ABHD6: variants seen among roughly 807,000 people sequenced by gnomAD.
The protein encoded by ABHD6 is abhydrolase domain containing 6, acylglycerol lipase.
A neutral mutation model predicts 38.8 loss-of-function variants in ABHD6; 33 were observed. The observed-to-expected ratio is 0.85, with a 90% confidence interval of 0.64 to 1.14. The LOEUF is 1.14. Ranked by LOEUF, ABHD6 falls within the 50% of genes most tolerant of loss-of-function variation. The pLI is 0.00. For missense variants in ABHD6, 380 were observed against 422.6 expected, an observed-to-expected ratio of 0.90 and a Z score of 0.88; for synonymous variants, 147 against 161.6, an observed-to-expected ratio of 0.91 and a Z score of 0.69.
At chr3:58,247,107 C>G (rs2097426967) in intron 1 of ABHD6, among the ~76,000 whole-genome samples, 1 of 151,502 alleles carries the variant, frequency 6.6e-6, no homozygotes, top group Non-Finnish European at 1.5e-5. Flanking sequence ...ACTGCAACCT[C>G]CGCCTCCTGG....
rs2097420537 is a variant in ABHD6, at chr3:58,238,369, C to T, written c.-91+453C>T. ...TGCTCCGTGTCACGCGCCGCCTCCG[C>T]GCCGTCCCCAAGATCTCGCTCCGCT... On this transcript the variant is annotated intron_variant, in intron 1 of 9. Coordinates refer to ENST00000478253, the MANE Select transcript of ABHD6 (RefSeq NM_001320126.2). The surrounding 1 kb of genome is among the most constrained non-coding windows in gnomAD (Gnocchi z 6.9). 1 of 152,650 alleles carries T rather than the reference C, an allele frequency of 6.6e-6. No individual in the cohort carries two copies. The highest frequency in any genetic ancestry group is 2.1e-4 in the South Asian group (1 of 4,844). The allele number at this position is 152,650 out of a possible 1,614,324, so 9.5% of individuals were successfully genotyped here.
At position 58,264,436 on chromosome 3, in the gene ABHD6, CACACACACAT is replaced by C. The variant is rs1188083181; in HGVS notation, c.120-2751_120-2742del. ...ACACACACACACACACACACACACA[CACACACACAT>C]ATGCCAGGTGCAGTGGCTCAGTGGC... On this transcript the variant is annotated intron_variant, in intron 3 of 9. Coordinates refer to ENST00000478253, the MANE Select transcript of ABHD6 (RefSeq NM_001320126.2). Among the ~76,000 whole-genome samples the C allele has an allele frequency of 3.8e-4, 38 of 99,368 alleles. 1 individual carries two copies. The highest frequency in any genetic ancestry group is 9.7e-3 in the Middle Eastern group (2 of 206). The allele number at this position is 99,368 out of a possible 152,430, so 65.2% of individuals were successfully genotyped here.
At position 58,266,558 on chromosome 3, in the gene ABHD6, C is replaced by CA. The variant is rs1447607271; in HGVS notation, c.120-628dup. The stretch of plus-strand genomic sequence containing the variant: ...TCTCTCCCTCTCTGCTTATTTTACA[C>CA]AAAGAGTTAAGACCAGTCAGTTTAG... On this transcript the variant is annotated intron_variant, in intron 3 of 9. Coordinates refer to ENST00000478253, the MANE Select transcript of ABHD6 (RefSeq NM_001320126.2). The surrounding 1 kb of genome is among the most constrained non-coding windows in gnomAD (Gnocchi z 4.0). Among the ~76,000 whole-genome samples the CA allele has an allele frequency of 6.6e-6, 1 of 151,858 alleles. No individual in the cohort carries two copies. The highest frequency in any genetic ancestry group is 2.4e-5 in the African/African-American group (1 of 41,336).
At position 58,267,157 on chromosome 3, in the gene ABHD6, T is replaced by G. The variant is rs774040233; in HGVS notation, c.120-32T>G. On this transcript the variant is annotated intron_variant, in intron 3 of 9. Coordinates refer to ENST00000478253, the MANE Select transcript of ABHD6 (RefSeq NM_001320126.2). The surrounding 1 kb of genome is among the most constrained non-coding windows in gnomAD (Gnocchi z 4.3). The stretch of plus-strand genomic sequence containing the variant: ...AGCCACTCATCTAGAGCTTACTGAT[T>G]TCGTTTTGTCTTTATTTCTCACCCC... 6.2e-7 allele frequency: 1 copy of G among 1,610,570 alleles called. No homozygotes were observed. The highest frequency in any genetic ancestry group is 8.5e-7 in the Non-Finnish European group (1 of 1,177,976).
In ABHD6 at chr3:58,285,762, CTT is replaced by C. The variant is rs1250735280; in HGVS notation, c.837+312_837+313del. Reference sequence around the variant, plus strand: ...AACACCAAAAGGTTTATAATGAAAACTTTTCTTTTTCGCATCCCAAATTCCAT... The same window carrying C: ...AACACCAAAAGGTTTATAATGAAAACTTCTTTTTCGCATCCCAAATTCCAT... On this transcript the variant is annotated intron_variant, in intron 9 of 9. Transcript: ENST00000478253. The surrounding 1 kb of genome is among the most constrained non-coding windows in gnomAD (Gnocchi z 4.9). Among the ~76,000 whole-genome samples the C allele has an allele frequency of 6.6e-6, 1 of 152,218 alleles. No individual in the cohort carries two copies. The highest frequency in any genetic ancestry group is 2.4e-5 in the African/African-American group (1 of 41,470).
At chr3:58,261,511 C>T (rs1319421239) in intron 3 of ABHD6, among the ~76,000 whole-genome samples, 1 of 152,058 alleles carries the variant, frequency 6.6e-6, no homozygotes, top group South Asian at 2.1e-4. Context: ...GTAACTGGGG[C>T]TACAGGTGTG....
At chr3:58,292,348 A>G (rs771655227) in intron 9 of ABHD6, among the ~76,000 whole-genome samples, 95 of 152,240 alleles carry the variant, frequency 6.2e-4, no homozygotes, top group Middle Eastern at 3.4e-3. Flanking sequence ...AAGGATGGGG[A>G]GGAGGGGCCC....
intron 3 of ABHD6, among the ~76,000 whole-genome samples, chr3:58,264,531 A>G (rs1426439628): frequency 1.3e-5 from 2 of 151,984 alleles, no homozygotes; most frequent in Non-Finnish European, 2.9e-5. Flanking sequence ...CTCTACCTAA[A>G]AAATAAAAAA....
intron 2 of ABHD6, among the ~76,000 whole-genome samples, chr3:58,255,801 C>T (rs1044081653): frequency 3.9e-5 from 6 of 152,136 alleles, no homozygotes; most frequent in East Asian, 3.9e-4. Context: ...CCTGCCACCA[C>T]GCTTGGCTAA....
chr3:58,286,870 G>GTATATATATATATATA, intron 9 of ABHD6, among the ~76,000 whole-genome samples: 1 of 75,060 alleles, frequency 1.3e-5, no homozygotes, highest in African/African-American at 4.3e-5. Flanking sequence ...ATATATATAT[G>GTATATATATATATATA]TATATGTATA....
chr3:58,239,471 A>AT (rs2097421347), intron 1 of ABHD6, among the ~76,000 whole-genome samples: 2 of 152,170 alleles, frequency 1.3e-5, no homozygotes, highest in Non-Finnish European at 2.9e-5. Context: ...GAAATTAACC[A>AT]TTTTGTGTGC....
intron 9 of ABHD6, among the ~76,000 whole-genome samples, chr3:58,291,905 G>C (rs538635211): frequency 6.6e-6 from 1 of 152,124 alleles, no homozygotes; most frequent in Non-Finnish European, 1.5e-5. Flanking sequence ...AGCCATGATC[G>C]TGCCACTGCA....
chr3:58,238,523 T>A lies in ABHD6; in HGVS notation c.-91+607T>A, dbSNP rs907516308. On this transcript the variant is annotated intron_variant, in intron 1 of 9. Coordinates refer to ENST00000478253, the MANE Select transcript of ABHD6 (RefSeq NM_001320126.2). The surrounding 1 kb of genome is among the most constrained non-coding windows in gnomAD (Gnocchi z 6.9). ...TCCAGCCAGGTACCCGCCGGCAACT[T>A]GCGGTCCCCCGCCTACAGCGACACA... 2.0e-5 allele frequency: 3 copies of A among 152,384 alleles called. No homozygotes were observed. Among genetic ancestry groups the A allele is most frequent in the Non-Finnish European group, 4.4e-5 (3 of 68,200 alleles). 9.4% of individuals were successfully genotyped at this position (152,384 alleles called of 1,614,324 possible).
intron 1 of ABHD6, among the ~76,000 whole-genome samples, chr3:58,246,396 A>G (rs901852525): frequency 6.6e-6 from 1 of 152,198 alleles, no homozygotes; most frequent in Admixed American, 6.5e-5. Flanking sequence ...GTACCACAGG[A>G]TACACAACCC....
rs1001099589 is a variant in ABHD6 at position 58,269,641 on chromosome 3, A to G, written c.390+207A>G. Reference sequence around the variant, plus strand: ...CAGGGCTTATTACAGACTTAAGCCTATTGCAGTTGTTTGTAACGAAATACA... The same window carrying G: ...CAGGGCTTATTACAGACTTAAGCCTGTTGCAGTTGTTTGTAACGAAATACA... On this transcript the variant is annotated intron_variant, in intron 5 of 9. Transcript: ENST00000478253. The surrounding 1 kb of genome is among the most constrained non-coding windows in gnomAD (Gnocchi z 4.4). 6.6e-6 allele frequency among the ~76,000 whole-genome samples: 1 copy of G among 152,226 alleles called. No individual in the cohort carries two copies. Among genetic ancestry groups the G allele is most frequent in the African/African-American group, 2.4e-5 (1 of 41,462 alleles).
chr3:58,261,414 G>A (rs553676453), intron 3 of ABHD6, among the ~76,000 whole-genome samples: 2 of 152,122 alleles, frequency 1.3e-5, no homozygotes, highest in Non-Finnish European at 2.9e-5. Flanking sequence ...GCGATTGCTT[G>A]AGCCCAGGAG....
rs1232072137 is a variant in ABHD6 at position 58,293,264 on chromosome 3, C to T, written c.838-325C>T. Among the ~76,000 whole-genome samples, 1 of 152,172 alleles carries T rather than the reference C, an allele frequency of 6.6e-6. No homozygotes were observed. Among genetic ancestry groups the T allele is most frequent in the African/African-American group, 2.4e-5 (1 of 41,428 alleles). On this transcript the variant is annotated intron_variant, in intron 9 of 9. Coordinates refer to ENST00000478253, the MANE Select transcript of ABHD6 (RefSeq NM_001320126.2). The surrounding 1 kb of genome is among the most constrained non-coding windows in gnomAD (Gnocchi z 4.4). Reference sequence around the variant, plus strand: ...TCCCGGGACTCAGGAACGAGGTCTTCCCTCGACCCTGCTCATCCCCTGTGC... The same window carrying T: ...TCCCGGGACTCAGGAACGAGGTCTTTCCTCGACCCTGCTCATCCCCTGTGC...
In ABHD6 at chr3:58,274,826, T is replaced by A; in HGVS notation, c.681+11T>A. ...AAGGTGCCCCAGCAGGTAACGTGGTTGCAGCAGCGACACAACTACCCTCCC... is the reference window on the plus strand; with the variant it reads ...AAGGTGCCCCAGCAGGTAACGTGGTAGCAGCAGCGACACAACTACCCTCCC... On this transcript the variant is annotated intron_variant, in intron 7 of 9. Transcript: ENST00000478253. The A allele has an allele frequency of 6.2e-7, 1 of 1,612,010 alleles. No homozygotes were observed.
intron 1 of ABHD6, among the ~76,000 whole-genome samples, chr3:58,245,195 C>T (rs1020250157): frequency 2.6e-4 from 40 of 152,138 alleles, no homozygotes; most frequent in African/African-American, 9.7e-4. Context: ...GACGGAGTCT[C>T]GCTCTGTCAC....
Sources: allele counts gnomAD v4.1 joint callset (sites outside exome capture counted in the v4.1 genomes callset), GRCh38; gene constraint gnomAD v4.1.1; non-coding constraint Gnocchi (gnomAD v3.1); transcripts MANE v1.5; gene names NCBI Gene and HGNC (gene_info 2026-07-23, HGNC 2026-07-21).